MAMDC2: variants seen among roughly 807,000 people sequenced by gnomAD.
MAMDC2 encodes MAM domain containing 2, also known as MAM domain-containing protein 2.
A neutral mutation model predicts 89.8 loss-of-function variants in MAMDC2; 57 were observed. That is an observed-to-expected ratio of 0.63 (90% CI 0.51 to 0.79). The LOEUF (loss-of-function observed/expected upper bound fraction) is 0.79, where lower values mean the gene tolerates loss of function less well. Ranked by LOEUF, MAMDC2 falls within the 30% of genes least tolerant of loss-of-function variation. The pLI is 0.00. For synonymous variants in MAMDC2, 313 were observed against 293.4 expected (o/e 1.07, Z -0.68); for missense variants, 800 against 820.6 (o/e 0.97, Z 0.31).
chr9:70,156,150 T>A (rs1243258929), intron 9 of MAMDC2, among the ~76,000 whole-genome samples: 1 of 152,228 alleles, frequency 6.6e-6, no homozygotes, highest in Non-Finnish European at 1.5e-5. Flanking sequence ...GGTAATTTTC[T>A]CTACTCCTTC....
chr9:70,059,533 G>T (rs1349268813), intron 2 of MAMDC2, among the ~76,000 whole-genome samples: 1 of 151,976 alleles, frequency 6.6e-6, no homozygotes, highest in Non-Finnish European at 1.5e-5. Flanking sequence ...TTTATGACTT[G>T]CTTTCCCAAG....
chr9:70,060,853 G>A (rs3015242), intron 2 of MAMDC2, among the ~76,000 whole-genome samples: 1 of 151,930 alleles, frequency 6.6e-6, no homozygotes, highest in African/African-American at 2.4e-5. Context: ...TCCCCTAAGA[G>A]AAGCCACTGA....
At chr9:70,122,582 T>G (rs1183474804) in intron 5 of MAMDC2, among the ~76,000 whole-genome samples, 1 of 152,194 alleles carries the variant, frequency 6.6e-6, no homozygotes, top group Non-Finnish European at 1.5e-5. Flanking sequence ...CCCAGTGTCC[T>G]TATGGGGCAC....
At chr9:70,159,861 T>C (rs894400097) in intron 9 of MAMDC2, among the ~76,000 whole-genome samples, 7 of 152,206 alleles carry the variant, frequency 4.6e-5, no homozygotes, top group Admixed American at 2.6e-4. Context: ...ATTGTATTTT[T>C]AGCCCAGCAC....
Position 70,170,611 on chromosome 9 carries a change from G to A in MAMDC2, c.1631G>A (p.Gly544Glu). The A allele has an allele frequency of 6.2e-7, 1 of 1,609,170 alleles. No homozygotes were observed. The highest frequency in any genetic ancestry group is 8.5e-7 in the Non-Finnish European group (1 of 1,178,014). Residue 544 changes from glycine to glutamate, a missense_variant, in exon 11 of 14, where the codon GGA (glycine) becomes GAA (glutamate). Transcript: ENST00000377182. ...CCCACTTCCTACACAGGACCAAAGG[G>A]AGATCACACTACTGGGGTAGGTGAG... ...ETPTSYTGPK[G>E]DHTTGVGYYM...
At chr9:70,160,660 G>T (rs763326959) in intron 9 of MAMDC2, among the ~76,000 whole-genome samples, 1 of 152,106 alleles carries the variant, frequency 6.6e-6, no homozygotes, top group Non-Finnish European at 1.5e-5. Context: ...CATTTTCAGC[G>T]CAGAGCAGGG....
intron 12 of MAMDC2, 93 bp from the exon 13 acceptor site, chr9:70,225,657 T>G (rs2033628531): frequency 1.4e-6 from 1 of 733,412 alleles, no homozygotes; most frequent in African/African-American, 1.8e-5. Flanking sequence ...AAGAGCAATC[T>G]ACGTTTTCAT....
intron 4 of MAMDC2, among the ~76,000 whole-genome samples, chr9:70,111,623 T>C (rs768999955): frequency 3.3e-5 from 5 of 152,184 alleles, no homozygotes; most frequent in Non-Finnish European, 7.4e-5. Flanking sequence ...TGTTAGGGCA[T>C]TGGCTAGCAG....
chr9:70,126,007 T>C, intron 5 of MAMDC2, 152 bp from the exon 6 acceptor site: 1 of 797,466 alleles, frequency 1.3e-6, no homozygotes, highest in Non-Finnish European at 2.0e-6. Context: ...CATCCACTCA[T>C]GGCCAAACCT....
In MAMDC2 at chr9:70,052,290, C is replaced by T. The variant is rs185683324; in HGVS notation, c.148+7593C>T. Among the ~76,000 whole-genome samples the T allele has an allele frequency of 1.9e-3, 287 of 152,350 alleles. 3 individuals carry two copies. Among genetic ancestry groups the T allele is most frequent in the Non-Finnish European group, 9.6e-4 (65 of 68,042 alleles). ...GCCTTGTTTGGCATTCAAGGCCCTT[C>T]ACAGTTTGCTCCAAATTACATTTCT... On this transcript the variant is annotated intron_variant, in intron 2 of 13. Transcript: ENST00000377182.
At chr9:70,130,893 A>G (rs1309829711) in intron 6 of MAMDC2, among the ~76,000 whole-genome samples, 1 of 152,242 alleles carries the variant, frequency 6.6e-6, no homozygotes, top group East Asian at 1.9e-4. Context: ...TCTAGCAGAA[A>G]TGACATAGGC....
chr9:70,211,050 C>A (rs890054213), intron 11 of MAMDC2, among the ~76,000 whole-genome samples: 5 of 151,984 alleles, frequency 3.3e-5, no homozygotes, highest in Non-Finnish European at 7.4e-5. Flanking sequence ...TTTCTGGCTG[C>A]CCTTAACATT....
chr9:70,044,616 G>T lies in MAMDC2; in HGVS notation c.67G>T (p.Ala23Ser). 6.4e-7 allele frequency: 1 copy of T among 1,551,038 alleles called. No individual in the cohort carries two copies. The highest frequency in any genetic ancestry group is 1.2e-5 in the South Asian group (1 of 84,024). ...GCTCGCCGGTGCCCTCGACCTGCCC[G>T]CTGGGTCCTGTGCCTTTGAAGAGAG... Reference protein sequence around the residue: ...LQLAGALDLPAGSCAFEESTC... With the variant: ...LQLAGALDLPSGSCAFEESTC... Residue 23 changes from alanine to serine, a missense_variant, in exon 2 of 14, where the codon GCT becomes TCT. By Grantham distance (99) the Ala-to-Ser change is moderately conservative (BLOSUM62 1). Coordinates refer to ENST00000377182, the MANE Select transcript of MAMDC2 (RefSeq NM_153267.5).
At chr9:70,166,096 C>T (rs1340294416) in intron 9 of MAMDC2, among the ~76,000 whole-genome samples, 1 of 151,968 alleles carries the variant, frequency 6.6e-6, no homozygotes, top group African/African-American at 2.4e-5. Flanking sequence ...CAAAAATTAG[C>T]CAGGCGTGGT....
intron 11 of MAMDC2, among the ~76,000 whole-genome samples, chr9:70,212,301 G>A (rs1256775627): frequency 1.3e-5 from 2 of 152,250 alleles, no homozygotes; most frequent in Non-Finnish European, 2.9e-5. Context: ...TGGCCGCTTT[G>A]TGTACCTACT....
At chr9:70,111,223 T>C (rs1055537478) in intron 4 of MAMDC2, among the ~76,000 whole-genome samples, 1 of 152,122 alleles carries the variant, frequency 6.6e-6, no homozygotes, top group Non-Finnish European at 1.5e-5. Flanking sequence ...ATCCGTAAAA[T>C]GGGAATAAAA....
chr9:70,194,314 T>C (rs773876499), intron 11 of MAMDC2: 4 of 152,128 alleles, frequency 2.6e-5, no homozygotes, highest in Admixed American at 6.6e-5. Context: ...TGAAACTTAA[T>C]GGCCAGTGTA....
chr9:70,182,176 G>A (rs756245436), intron 11 of MAMDC2, among the ~76,000 whole-genome samples: 21 of 152,150 alleles, frequency 1.4e-4, no homozygotes, highest in African/African-American at 1.2e-4. Flanking sequence ...TGTGTATGTC[G>A]AACCAGCCTT....
Position 70,044,294 on chromosome 9 carries a change from C to G in MAMDC2, c.34+63C>G, listed in dbSNP as rs1175365073. Reference sequence around the variant, plus strand: ...TGACGACTCGCCCCCGCTCCTGCTGCCCCCGGGGGTCCGGCTCACCGTGCT... The same window carrying G: ...TGACGACTCGCCCCCGCTCCTGCTGGCCCCGGGGGTCCGGCTCACCGTGCT... On this transcript the variant is annotated intron_variant, in intron 1 of 13. Coordinates refer to ENST00000377182, the MANE Select transcript of MAMDC2 (RefSeq NM_153267.5). 3.9e-6 allele frequency: 6 copies of G among 1,549,632 alleles called. No homozygotes were observed. In the East Asian group the frequency reaches 1.4e-4, roughly 35 times the overall value.
Sources: allele counts gnomAD v4.1 joint callset (sites outside exome capture counted in the v4.1 genomes callset), GRCh38; gene constraint gnomAD v4.1.1; transcripts MANE v1.5; gene names NCBI Gene and HGNC (gene_info 2026-07-23, HGNC 2026-07-21).